Variants in IREB2 observed in about 807,000 individuals in gnomAD.
IREB2 encodes the protein iron responsive element binding protein 2, also known as iron-responsive element-binding protein 2.
Under a neutral mutation model 118.8 loss-of-function variants are expected in IREB2, and 39 were observed. The ratio of observed to expected loss-of-function variants is 0.33; its 90% CI spans 0.25 to 0.43. IREB2 has a LOEUF of 0.43. Among genes scored for constraint, IREB2 ranks in the 20% least tolerant of loss-of-function variants. IREB2 has a pLI of 1.00. For missense variants in IREB2, 900 were observed against 1,147.3 expected (o/e 0.78, Z 3.11); for synonymous variants, 372 against 392.2 (o/e 0.95, Z 0.61).
At chr15:78,449,050 G>A (rs1308103194) in intron 2 of IREB2, among the ~76,000 whole-genome samples, 1 of 152,152 alleles carries the variant, frequency 6.6e-6, no homozygotes, top group Non-Finnish European at 1.5e-5. Flanking sequence ...GTTGTGTACA[G>A]ATAATACAGA....
At chr15:78,489,234 AAAAAG>A (rs2051709941) in intron 16 of IREB2, among the ~76,000 whole-genome samples, 1 of 151,962 alleles carries the variant, frequency 6.6e-6, no homozygotes, top group Non-Finnish European at 1.5e-5. Flanking sequence ...AAAAAAAAAA[AAAAAG>A]AAAGAAAATG....
intron 3 of IREB2, among the ~76,000 whole-genome samples, chr15:78,464,840 G>A (rs970921657): frequency 7.9e-5 from 12 of 152,186 alleles, no homozygotes; most frequent in South Asian, 2.1e-4. Flanking sequence ...TTGTTGTATA[G>A]TTGGCTGGAT....
At chr15:78,463,353 ATTAC>A (rs1020914480) in intron 3 of IREB2, among the ~76,000 whole-genome samples, 7 of 152,176 alleles carry the variant, frequency 4.6e-5, no homozygotes, top group African/African-American at 1.7e-4. Context: ...AGGTGGGAGG[ATTAC>A]TTAAGCCCAG....
intron 2 of IREB2, among the ~76,000 whole-genome samples, chr15:78,453,724 T>A (rs1408268967): frequency 6.6e-6 from 1 of 152,196 alleles, no homozygotes; most frequent in Non-Finnish European, 1.5e-5. Context: ...TAGTTTCTAT[T>A]TATCAGTGAG....
intron 2 of IREB2, among the ~76,000 whole-genome samples, chr15:78,444,361 G>A (rs2050894285): frequency 2.0e-5 from 3 of 151,726 alleles, no homozygotes; most frequent in Admixed American, 2.0e-4. Context: ...AGGGGAAGAT[G>A]GTGGAGAGAC....
intron 18 of IREB2, among the ~76,000 whole-genome samples, chr15:78,491,471 T>C (rs1026161129): frequency 3.3e-5 from 5 of 152,196 alleles, no homozygotes; most frequent in South Asian, 2.1e-4. Flanking sequence ...AGCTTTTTCA[T>C]TGAAATTTAT....
intron 20 of IREB2, 127 bp downstream of exon 20, chr15:78,494,391 TTTTG>T (rs759374320): frequency 2.0e-4 from 188 of 924,408 alleles, no homozygotes; most frequent in Non-Finnish European, 2.7e-4. Context: ...GTATAGAGGG[TTTTG>T]TTTGTTTGTT....
At chr15:78,476,573 T>C in intron 9 of IREB2, 1 of 367,946 alleles carries the variant, frequency 2.7e-6, no homozygotes, top group African/African-American at 2.0e-5. Flanking sequence ...TTTAAAGGAA[T>C]TATTCAAACC....
chr15:78,482,019 A>G (rs1234707516), intron 10 of IREB2, among the ~76,000 whole-genome samples: 1 of 152,102 alleles, frequency 6.6e-6, no homozygotes, highest in East Asian at 1.9e-4. Context: ...AGGCGGGAGG[A>G]TTGCTTGAGC....
At chr15:78,467,808 A>G (rs896370780) in intron 5 of IREB2, among the ~76,000 whole-genome samples, 3 of 152,190 alleles carry the variant, frequency 2.0e-5, no homozygotes, top group African/African-American at 7.2e-5. Context: ...GCTGGTCTCA[A>G]ACTCTTAGGC....
chr15:78,480,486 C>T (rs148710181), intron 10 of IREB2, among the ~76,000 whole-genome samples: 25 of 150,652 alleles, frequency 1.7e-4, no homozygotes, highest in Admixed American at 1.6e-3. Flanking sequence ...AGTTCACGAC[C>T]AGCCTAGCCA....
intron 2 of IREB2, among the ~76,000 whole-genome samples, chr15:78,461,042 A>G (rs1320139753): frequency 6.6e-6 from 1 of 152,166 alleles, no homozygotes; most frequent in African/African-American, 2.4e-5. Context: ...AACATTTATT[A>G]GTTCAGAACC....
chr15:78,468,867 C>T, intron 5 of IREB2, among the ~76,000 whole-genome samples: 1 of 152,042 alleles, frequency 6.6e-6, no homozygotes, highest in Non-Finnish European at 1.5e-5. Flanking sequence ...CCTAGTTGTC[C>T]TGGTTGTTAG....
chr15:78,477,775 G>A (rs1177779458), intron 9 of IREB2, among the ~76,000 whole-genome samples: 1 of 151,934 alleles, frequency 6.6e-6, no homozygotes, highest in African/African-American at 2.4e-5. Flanking sequence ...TTAAAAATTA[G>A]CCAGGTGTGG....
At chr15:78,450,445 G>C (rs999493837) in intron 2 of IREB2, among the ~76,000 whole-genome samples, 2 of 152,236 alleles carry the variant, frequency 1.3e-5, no homozygotes, top group Non-Finnish European at 2.9e-5. Context: ...ACAGATAACA[G>C]AGAAGTATAT....
intron 2 of IREB2, among the ~76,000 whole-genome samples, chr15:78,446,670 C>G (rs1356573139): frequency 6.6e-6 from 1 of 152,166 alleles, no homozygotes; most frequent in African/African-American, 2.4e-5. Context: ...AGTTCAGTCT[C>G]TCTGTGTCCT....
At chr15:78,448,655 GGGC>G (rs2050972530) in intron 2 of IREB2, among the ~76,000 whole-genome samples, 1 of 152,166 alleles carries the variant, frequency 6.6e-6, no homozygotes, top group African/African-American at 2.4e-5. Flanking sequence ...TGGGATTACA[GGGC>G]CTTCTAGAAC....
intron 6 of IREB2, 141 bp downstream of exon 6, chr15:78,470,742 T>C: frequency 4.4e-6 from 2 of 457,056 alleles, no homozygotes; most frequent in South Asian, 8.4e-5. Context: ...TTACCCAGGC[T>C]GGAGTCCAGT....
chr15:78,487,936 A>G (rs891964296), intron 14 of IREB2, 119 bp downstream of exon 14: 28 of 687,260 alleles, frequency 4.1e-5, no homozygotes, highest in Non-Finnish European at 5.8e-5. Flanking sequence ...CCTCTTGGCA[A>G]TAGTAACCTG....
Sources: allele counts gnomAD v4.1 joint callset (sites outside exome capture counted in the v4.1 genomes callset), GRCh38; gene constraint gnomAD v4.1.1; transcripts MANE v1.5; gene names NCBI Gene and HGNC (gene_info 2026-07-23, HGNC 2026-07-21).